Variants in KDM2B observed in about 807,000 individuals in gnomAD.
KDM2B encodes the protein lysine-specific demethylase 2B.
In KDM2B, 26 loss-of-function variants were observed where a neutral mutation model predicts 150.0. The ratio of observed to expected loss-of-function variants is 0.17; its 90% CI spans 0.13 to 0.24. KDM2B has a LOEUF of 0.24. KDM2B is among the 10% of genes least tolerant of loss of function. KDM2B has a pLI of 1.00. For synonymous variants in KDM2B, 734 were observed against 729.5 expected (o/e 1.01, Z -0.10); for missense variants, 1,265 against 1,816.9 (o/e 0.70, Z 5.52).
chr12:121,512,521 T>TA (rs1297978773), intron 10 of KDM2B, among the ~76,000 whole-genome samples: 174 of 145,822 alleles, frequency 1.2e-3, no homozygotes, highest in African/African-American at 3.7e-3. Context: ...ATCCCCTGGT[T>TA]AAAAAAAAAA....
At chr12:121,443,100 A>C in intron 17 of KDM2B, 70 bp from the exon 18 acceptor site, 1 of 1,448,510 alleles carries the variant, frequency 6.9e-7, no homozygotes, top group South Asian at 1.2e-5. Context: ...TCGACACCCC[A>C]CCCCACCACG....
Position 121,453,879 on chromosome 12 carries a change from C to T in KDM2B, c.1735-535G>A, listed in dbSNP as rs74434706. ...GACGACAGAGGGCGCGTGCTTCTTG[C>T]CGCAGCACACAGCTCGAGACCTTCC... is the stretch of plus-strand genomic sequence containing the variant. On this transcript the variant is annotated intron_variant, in intron 12 of 22. Transcript: ENST00000377071. This position sits in a 1 kb window ranked among gnomAD's most constrained non-coding sequence, Gnocchi z 6.4. Among the ~76,000 whole-genome samples the T allele has an allele frequency of 1.3e-5, 2 of 152,310 alleles. No homozygotes were observed. Among genetic ancestry groups the T allele is most frequent in the East Asian group, 3.9e-4 (2 of 5,182 alleles).
At chr12:121,482,753 C>G (rs1555298155) in intron 12 of KDM2B, among the ~76,000 whole-genome samples, 2 of 152,166 alleles carry the variant, frequency 1.3e-5, no homozygotes, top group Admixed American at 1.3e-4. Context: ...TGAATACGGC[C>G]TCATCTTTCA....
intron 8 of KDM2B, among the ~76,000 whole-genome samples, chr12:121,523,935 C>T (rs1450082837): frequency 6.6e-6 from 1 of 152,216 alleles, no homozygotes; most frequent in Non-Finnish European, 1.5e-5. Flanking sequence ...CTGAAAGAGC[C>T]TCTGTCTCCA....
chr12:121,417,421 A>C, the KDM2B span: 1 of 1,255,052 alleles, frequency 8.0e-7, no homozygotes, highest in East Asian at 2.3e-5. This position sits in a 1 kb window ranked among gnomAD's most constrained non-coding sequence, Gnocchi z 5.0. Flanking sequence ...ACTAAAATTA[A>C]ATTTTAGTAG....
intron 13 of KDM2B, 32 bp from the exon 14 acceptor site, chr12:121,445,450 CA>C (rs782489932): frequency 4.5e-6 from 7 of 1,560,714 alleles, no homozygotes; most frequent in Non-Finnish European, 6.1e-6. Context: ...GACAAGTCAT[CA>C]GGGGTGGGGA....
chr12:121,463,088 G>A (rs1159775926), intron 12 of KDM2B, among the ~76,000 whole-genome samples: 2 of 151,664 alleles, frequency 1.3e-5, no homozygotes, highest in Middle Eastern at 3.4e-3. Context: ...AGGCCAAGGC[G>A]GGTGGATCAC....
At chr12:121,516,891 G>GAAA in intron 9 of KDM2B, 4 of 495,230 alleles carry the variant, frequency 8.1e-6, no homozygotes, top group South Asian at 4.5e-5. Context: ...AAAATCAATG[G>GAAA]AAAAAAAAAA....
At position 121,521,105 on chromosome 12, in the gene KDM2B, G is replaced by A; in HGVS notation, c.932-5C>T. On this transcript the variant is annotated splice_region_variant and splice_polypyrimidine_tract_variant and intron_variant, in intron 8 of 22. Coordinates refer to ENST00000377071, the MANE Select transcript of KDM2B (RefSeq NM_032590.5). This position sits in a 1 kb window ranked among gnomAD's most constrained non-coding sequence, Gnocchi z 4.9. ...TGTAGACGGCATGGATCCAACCTGGGGTGGGAAGGGCAAGGAGAGGATGAG... is the reference window on the plus strand; with the variant it reads ...TGTAGACGGCATGGATCCAACCTGGAGTGGGAAGGGCAAGGAGAGGATGAG... 6.2e-7 allele frequency: 1 copy of A among 1,606,148 alleles called. No homozygotes were observed. The highest frequency in any genetic ancestry group is 8.5e-7 in the Non-Finnish European group (1 of 1,173,106).
intron 10 of KDM2B, among the ~76,000 whole-genome samples, chr12:121,512,787 C>T (rs1885703327): frequency 6.6e-6 from 1 of 152,238 alleles, no homozygotes; most frequent in Non-Finnish European, 1.5e-5. Flanking sequence ...AACACTCTCT[C>T]CTGCTCCTCC....
Position 121,442,251 on chromosome 12 carries a change from C to T in KDM2B, c.3190G>A (p.Val1064Ile), listed in dbSNP as rs368157368. ...GCCATCCACACCTCCCTGTGCATGACGTGGGCTGCCCCATCGTCCAGGGGT... is the reference window on the plus strand; with the variant it reads ...GCCATCCACACCTCCCTGTGCATGATGTGGGCTGCCCCATCGTCCAGGGGT... The part of the protein sequence containing the change: ...SLPLDDGAAH[V>I]MHREVWMAVF... The change falls in exon 19 of 23, where the codon GTC (valine) becomes ATC (isoleucine). Residue 1064 changes from valine to isoleucine, a missense_variant. Around this residue, in one of 11 missense-constraint regions of KDM2B, gnomAD observed 251 missense variants for 397.8 expected, o/e 0.63. Transcript: ENST00000377071. The surrounding 1 kb of genome is among the most constrained non-coding windows in gnomAD (Gnocchi z 7.7). 104 of 1,612,966 alleles carry T rather than the reference C, an allele frequency of 6.4e-5. No homozygotes were observed. Among genetic ancestry groups the T allele is most frequent in the South Asian group, 2.0e-4 (18 of 91,040 alleles).
At chr12:121,514,362 G>A (rs1163950439) in intron 9 of KDM2B, among the ~76,000 whole-genome samples, 1 of 151,980 alleles carries the variant, frequency 6.6e-6, no homozygotes, top group Non-Finnish European at 1.5e-5. Context: ...AGTAAAGGTG[G>A]AGACAGCTTT....
Position 121,509,674 on chromosome 12 carries a change from G to A in KDM2B, c.1540C>T (p.Leu514=), listed in dbSNP as rs1555303533. Residue 514 remains leucine, a synonymous_variant, in exon 11 of 23, where the codon CTG becomes TTG. Transcript: ENST00000377071. Reference sequence around the variant, plus strand: ...TCCACCAGAGCTTTCAGGCCCTTCAGTTCAAACTCAGTGAGATGGGTCCAT... The same window carrying A: ...TCCACCAGAGCTTTCAGGCCCTTCAATTCAAACTCAGTGAGATGGGTCCAT... ...AKWTHLTEFE[L]KGLKALVEKL... is the part of the protein sequence containing the mutation. 2 of 1,613,974 alleles carry A rather than the reference G, an allele frequency of 1.2e-6. No individual in the cohort carries two copies. Among genetic ancestry groups the A allele is most frequent in the East Asian group, 2.2e-5 (1 of 44,870 alleles).
intron 13 of KDM2B, among the ~76,000 whole-genome samples, chr12:121,446,475 G>C (rs1394011801): frequency 1.3e-5 from 2 of 152,214 alleles, no homozygotes; most frequent in African/African-American, 2.4e-5. Flanking sequence ...TTACCCTAGA[G>C]TACACATCCT....
At chr12:121,495,788 G>A (rs1883873167) in intron 11 of KDM2B, among the ~76,000 whole-genome samples, 1 of 152,188 alleles carries the variant, frequency 6.6e-6, no homozygotes, top group Non-Finnish European at 1.5e-5. Flanking sequence ...GTGACGACGT[G>A]TAAATGTTTT....
Position 121,509,628 on chromosome 12 carries a change from T to A in KDM2B, c.1586A>T (p.Glu529Val). The change falls in exon 11 of 23, where the codon GAG becomes GTG. Residue 529 changes from glutamate to valine, a missense_variant. Coordinates refer to ENST00000377071, the MANE Select transcript of KDM2B (RefSeq NM_032590.5). ...ALVEKLESLP[E>V]NKKCVPEGIE... ...GCCCTCGGGGACACACTTCTTGTTC[T>A]CCGGGAGGGATTCCAGTTTCTCCAC... 3 of 1,613,826 alleles carry A rather than the reference T, an allele frequency of 1.9e-6. No homozygotes were observed. The highest frequency in any genetic ancestry group is 2.5e-6 in the Non-Finnish European group (3 of 1,180,004).
At chr12:121,441,522 C>T (rs1335038215) in intron 19 of KDM2B, among the ~76,000 whole-genome samples, 2 of 152,122 alleles carry the variant, frequency 1.3e-5, no homozygotes, top group Admixed American at 6.5e-5. Context: ...CCACAACCTC[C>T]GTCTCCCAGG....
the KDM2B span, chr12:121,417,747 G>A: frequency 6.2e-7 from 1 of 1,614,160 alleles, no homozygotes; most frequent in Non-Finnish European, 8.5e-7. The surrounding 1 kb of genome is among the most constrained non-coding windows in gnomAD (Gnocchi z 5.0). Context: ...AGGCTCTGAG[G>A]ACGACATGGA....
intron 12 of KDM2B, among the ~76,000 whole-genome samples, chr12:121,456,607 G>C (rs552720812): frequency 3.9e-5 from 6 of 152,286 alleles, no homozygotes; most frequent in African/African-American, 1.2e-4. Flanking sequence ...GAGTTCAAAG[G>C]AACGCCAGGT....
Sources: gnomAD v4.1 joint callset for allele counts (sites outside exome capture counted in the v4.1 genomes callset) on GRCh38, gnomAD v4.1.1 for gene constraint, gnomAD v4.1.1 regional missense constraint, Gnocchi (gnomAD v3.1) non-coding constraint, MANE v1.5 for transcripts, NCBI Gene and HGNC (gene_info 2026-07-23, HGNC 2026-07-21) for gene names.